Variants in PHF24 observed in about 807,000 individuals in gnomAD.
PHF24 encodes the protein Galpha inhibitory interacting protein.
In PHF24, 25 loss-of-function variants were observed where a neutral mutation model predicts 42.6. That is an observed-to-expected ratio of 0.59 (90% CI 0.43 to 0.82). The LOEUF (loss-of-function observed/expected upper bound fraction) is 0.82. PHF24 is among the 40% of genes least tolerant of loss of function. The probability of loss-of-function intolerance (pLI) is 0.00; values close to 1 mark genes in which losing one functional copy is unlikely to be tolerated. For missense variants in PHF24, 470 were observed against 538.1 expected (o/e 0.87, Z 1.25); for synonymous variants, 185 against 204.8 (o/e 0.90, Z 0.83).
chr9:34,898,164 G>A, the PHF24 span, among the ~76,000 whole-genome samples: 4 of 152,078 alleles, frequency 2.6e-5, no homozygotes, highest in Non-Finnish European at 5.9e-5. Context: ...TCGAATAATG[G>A]CTTCGTTTCC....
chr9:34,917,091 C>CCTCCTCTCCT, the PHF24 span: 5 of 732,864 alleles, frequency 6.8e-6, no homozygotes, highest in Non-Finnish European at 1.0e-5. Flanking sequence ...AGCACAGAGG[C>CCTCCTCTCCT]CTCCTCTCCT....
chr9:34,848,465 A>G, the PHF24 span, among the ~76,000 whole-genome samples: 3 of 151,734 alleles, frequency 2.0e-5, no homozygotes, highest in Admixed American at 6.6e-5. Context: ...ATCATTTTTT[A>G]TTGCGTCTAT....
At chr9:34,919,608 C>A in the PHF24 span, among the ~76,000 whole-genome samples, 1 of 151,596 alleles carries the variant, frequency 6.6e-6, no homozygotes, top group Non-Finnish European at 1.5e-5. Context: ...TACAATAAAT[C>A]ATTGTTTACT....
the PHF24 span, among the ~76,000 whole-genome samples, chr9:34,841,288 C>T: frequency 3.9e-4 from 59 of 152,202 alleles, no homozygotes; most frequent in African/African-American, 8.4e-4. Flanking sequence ...CGTGAGCCAC[C>T]GCGCCCAGCC....
chr9:34,790,202 A>G, the PHF24 span, among the ~76,000 whole-genome samples: 1 of 152,190 alleles, frequency 6.6e-6, no homozygotes, highest in Non-Finnish European at 1.5e-5. Flanking sequence ...TTTTGGGATA[A>G]TTATCCTTAG....
the PHF24 span, among the ~76,000 whole-genome samples, chr9:34,780,901 A>G: frequency 1.3e-5 from 2 of 152,228 alleles, no homozygotes; most frequent in Admixed American, 6.5e-5. Flanking sequence ...AATCAAAACC[A>G]CAGTAAGGTA....
the PHF24 span, among the ~76,000 whole-genome samples, chr9:34,802,671 A>G: frequency 1.3e-5 from 2 of 152,230 alleles, no homozygotes; most frequent in Non-Finnish European, 2.9e-5. Flanking sequence ...ACATGATTAG[A>G]CAATGCCAGG....
chr9:34,860,841 TA>T, the PHF24 span, among the ~76,000 whole-genome samples: 3,262 of 152,274 alleles, frequency 0.021, 65 homozygotes, highest in Non-Finnish European at 0.031. Flanking sequence ...TGTAAAGAAC[TA>T]TAAAACTGGG....
At chr9:34,834,711 G>T in the PHF24 span, 1 of 1,544,216 alleles carries the variant, frequency 6.5e-7, no homozygotes, top group Non-Finnish European at 8.7e-7. Flanking sequence ...TGAAGCTGGA[G>T]TTGCCTCTGT....
the PHF24 span, among the ~76,000 whole-genome samples, chr9:34,924,267 T>A: frequency 6.6e-6 from 1 of 152,212 alleles, no homozygotes; most frequent in Non-Finnish European, 1.5e-5. Flanking sequence ...GAAGAATGTG[T>A]ATTCTGCAGC....
At chr9:34,716,625 T>G in the PHF24 span, among the ~76,000 whole-genome samples, 3 of 151,762 alleles carry the variant, frequency 2.0e-5, no homozygotes, top group African/African-American at 7.3e-5. Flanking sequence ...GTCTCACTCT[T>G]GTCACCCAGG....
At chr9:34,938,958 A>G in the PHF24 span, among the ~76,000 whole-genome samples, 2 of 142,362 alleles carry the variant, frequency 1.4e-5, no homozygotes, top group Non-Finnish European at 3.1e-5. Context: ...AAAAAAAGCC[A>G]TGAGCGTGAT....
At chr9:34,936,775 G>GCGTACCCAACAGCTCAT in the PHF24 span, among the ~76,000 whole-genome samples, 1 of 150,628 alleles carries the variant, frequency 6.6e-6, no homozygotes, top group Admixed American at 6.6e-5. Flanking sequence ...CGTCTGGGAG[G>GCGTACCCAACAGCTCAT]TGAGGACCGT....
the PHF24 span, among the ~76,000 whole-genome samples, chr9:34,762,482 G>A: frequency 6.7e-6 from 1 of 149,778 alleles, no homozygotes; most frequent in Non-Finnish European, 1.5e-5. Flanking sequence ...TTTTTTGGCT[G>A]CATAAATGTC....
At chr9:34,837,492 C>T in the PHF24 span, 9 of 586,206 alleles carry the variant, frequency 1.5e-5, no homozygotes, top group Admixed American at 9.4e-5. Flanking sequence ...AATTTTGGAA[C>T]GTTTCCAAGG....
the PHF24 span, among the ~76,000 whole-genome samples, chr9:34,854,273 C>T: frequency 6.9e-6 from 1 of 144,978 alleles, no homozygotes; most frequent in African/African-American, 2.5e-5. Context: ...TCTCTGTCTC[C>T]TTCAGTTCTT....
chr9:34,666,810 G>A, the PHF24 span, among the ~76,000 whole-genome samples: 1 of 152,166 alleles, frequency 6.6e-6, no homozygotes, highest in African/African-American at 2.4e-5. Flanking sequence ...GCCGGGCGTG[G>A]TGGCAGGCGC....
At chr9:34,953,235 C>T (rs1826301375), upstream of PHF24, among the ~76,000 whole-genome samples, 1 of 152,226 alleles carries the variant, frequency 6.6e-6, no homozygotes, top group Non-Finnish European at 1.5e-5. The surrounding 1 kb of genome is among the most constrained non-coding windows in gnomAD (Gnocchi z 4.1). Flanking sequence ...ACTGCAGCCT[C>T]GAACTCCTGA....
At chr9:34,815,275 GTTA>G in the PHF24 span, among the ~76,000 whole-genome samples, 1 of 152,036 alleles carries the variant, frequency 6.6e-6, no homozygotes, top group East Asian at 1.9e-4. Context: ...AATCTGTGTT[GTTA>G]TTATTTGGAT....
Sources: allele counts gnomAD v4.1 joint callset (sites outside exome capture counted in the v4.1 genomes callset), GRCh38; gene constraint gnomAD v4.1.1; non-coding constraint Gnocchi (gnomAD v3.1); transcripts MANE v1.5; gene names NCBI Gene and HGNC (gene_info 2026-07-23, HGNC 2026-07-21).